The following ASTN2 variants were observed in gnomAD, a reference collection of about 807,000 sequenced individuals.
The protein encoded by ASTN2 is astrotactin 2.
A neutral mutation model predicts 139.8 loss-of-function variants in ASTN2; 54 were observed. That is an observed-to-expected ratio of 0.39 (90% CI 0.31 to 0.48). ASTN2 has a LOEUF of 0.48. Ranked by LOEUF, ASTN2 falls within the 20% of genes least tolerant of loss-of-function variation. The pLI, the probability that ASTN2 is intolerant of heterozygous loss-of-function variation, is 0.95. For synonymous variants in ASTN2, 756 were observed against 719.5 expected, an observed-to-expected ratio of 1.05 and a Z score of -0.81; for missense variants, 1,565 against 1,725.1, an observed-to-expected ratio of 0.91 and a Z score of 1.64.
chr9:117,111,880 T>G (rs1829259271), intron 4 of ASTN2, among the ~76,000 whole-genome samples: 1 of 152,060 alleles, frequency 6.6e-6, no homozygotes, highest in Non-Finnish European at 1.5e-5. Context: ...ATGACATAAT[T>G]ATTTATAAAA....
chr9:117,202,806 G>T (rs1831771332), intron 3 of ASTN2, among the ~76,000 whole-genome samples: 1 of 152,050 alleles, frequency 6.6e-6, no homozygotes, highest in Non-Finnish European at 1.5e-5. Context: ...TGATGATTAT[G>T]TGTCTTGGGG....
intron 3 of ASTN2, among the ~76,000 whole-genome samples, chr9:117,209,767 G>T (rs1180108604): frequency 6.6e-6 from 1 of 152,102 alleles, no homozygotes; most frequent in Non-Finnish European, 1.5e-5. Context: ...CTTTTCATCA[G>T]CACATGGGAC....
intron 1 of ASTN2, among the ~76,000 whole-genome samples, chr9:117,311,487 G>T (rs763859628): frequency 1.2e-4 from 18 of 152,036 alleles, no homozygotes; most frequent in African/African-American, 4.3e-4. Context: ...AAGTGAGAAG[G>T]GAGCATAGCC....
chr9:117,213,678 C>CA, intron 3 of ASTN2, among the ~76,000 whole-genome samples: 1 of 152,218 alleles, frequency 6.6e-6, no homozygotes, highest in East Asian at 1.9e-4. Flanking sequence ...TAACAGTTGG[C>CA]AAGAAGGAGA....
chr9:117,316,849 C>T (rs1050454195), intron 1 of ASTN2, among the ~76,000 whole-genome samples: 1 of 152,120 alleles, frequency 6.6e-6, no homozygotes, highest in East Asian at 1.9e-4. Flanking sequence ...GCCTGGGGAT[C>T]CTTTGGTCTG....
intron 16 of ASTN2, among the ~76,000 whole-genome samples, chr9:116,722,689 G>T (rs1270592027): frequency 1.3e-5 from 2 of 152,136 alleles, no homozygotes; most frequent in African/African-American, 2.4e-5. Flanking sequence ...AAGATCACAG[G>T]AAGGCCATCT....
rs1831267574 is a variant in ASTN2, at chr9:117,414,458, G to A, written c.442+39C>T. ...GTCCGGCATGACGCAGGGGCTCGGG[G>A]TTCCTTGGGATCTAGCGCGTGCCGG... On this transcript the variant is annotated intron_variant, in intron 1 of 22. Transcript: ENST00000313400. This position sits in a 1 kb window ranked among gnomAD's most constrained non-coding sequence, Gnocchi z 4.2. 6.2e-7 allele frequency: 1 copy of A among 1,602,030 alleles called. No individual in the cohort carries two copies. Among genetic ancestry groups the A allele is most frequent in the Non-Finnish European group, 8.5e-7 (1 of 1,174,670 alleles).
chr9:117,128,382 A>C (rs1352321297), intron 4 of ASTN2, among the ~76,000 whole-genome samples: 1 of 139,140 alleles, frequency 7.2e-6, no homozygotes, highest in Non-Finnish European at 1.5e-5. Context: ...AAAAAAAAAA[A>C]AAAAAAAAAA....
At chr9:117,016,524 T>C (rs113230891) in intron 6 of ASTN2, among the ~76,000 whole-genome samples, 4 of 147,970 alleles carry the variant, frequency 2.7e-5, no homozygotes, top group African/African-American at 1.0e-4. Flanking sequence ...TGAGATCTCA[T>C]CACTGCATAT....
intron 10 of ASTN2, among the ~76,000 whole-genome samples, chr9:116,884,227 C>T (rs1833529065): frequency 6.6e-6 from 1 of 152,074 alleles, no homozygotes. Context: ...ACTTATGCTG[C>T]CTAGCAGGCC....
chr9:117,272,446 G>A (rs1834089801), intron 2 of ASTN2, among the ~76,000 whole-genome samples: 1 of 152,224 alleles, frequency 6.6e-6, no homozygotes, highest in African/African-American at 2.4e-5. Flanking sequence ...TGGTCTTGGG[G>A]ATTAACACTA....
chr9:116,810,746 T>A (rs746329497), intron 12 of ASTN2, among the ~76,000 whole-genome samples: 1 of 152,218 alleles, frequency 6.6e-6, no homozygotes, highest in Non-Finnish European at 1.5e-5. Flanking sequence ...TTTCTTTCTC[T>A]GGATCAGTTT....
chr9:117,319,651 G>A (rs1006336384), intron 1 of ASTN2, among the ~76,000 whole-genome samples: 9 of 150,828 alleles, frequency 6.0e-5, no homozygotes, highest in African/African-American at 4.9e-5. Flanking sequence ...GGCCAGGCTG[G>A]TCTCAAACTC....
intron 19 of ASTN2, among the ~76,000 whole-genome samples, chr9:116,531,609 T>C (rs533942767): frequency 4.0e-5 from 6 of 148,566 alleles, no homozygotes; most frequent in Admixed American, 1.4e-4. Flanking sequence ...AGTGAGAACA[T>C]GTGGTGGTTG....
chr9:116,599,445 A>G (rs1215026883), intron 19 of ASTN2, among the ~76,000 whole-genome samples: 2 of 152,256 alleles, frequency 1.3e-5, no homozygotes, highest in Non-Finnish European at 2.9e-5. Context: ...ATTATTGGCT[A>G]TCATCTACAT....
intron 1 of ASTN2, among the ~76,000 whole-genome samples, chr9:117,356,801 C>G (rs7870073): frequency 3.9e-5 from 6 of 152,256 alleles, no homozygotes; most frequent in South Asian, 4.2e-4. Flanking sequence ...CAGTGGCTCA[C>G]GCCTGTAATC....
Position 116,485,309 on chromosome 9 carries a change from T to C in ASTN2, c.3497+2050A>G, listed in dbSNP as rs574610911. ...AGCTCACTCAGCATCACAGAGCTGA[T>C]AAAGGACAGGGTCAGGATTTGAATC... is the stretch of plus-strand genomic sequence containing the variant. On this transcript the variant is annotated intron_variant, in intron 20 of 22. Coordinates refer to ENST00000313400, the MANE Select transcript of ASTN2 (RefSeq NM_001365068.1). 7.2e-4 allele frequency among the ~76,000 whole-genome samples: 109 copies of C among 152,212 alleles called. 1 individual carries two copies. The highest frequency in any genetic ancestry group is 7.1e-3 in the Admixed American group (109 of 15,286).
intron 10 of ASTN2, among the ~76,000 whole-genome samples, chr9:116,918,714 T>C (rs1401651571): frequency 6.6e-6 from 1 of 152,348 alleles, no homozygotes; most frequent in South Asian, 2.1e-4. Flanking sequence ...TCAGAAATGA[T>C]GTTTACAAAG....
chr9:116,878,190 C>G (rs1267334861), intron 10 of ASTN2, among the ~76,000 whole-genome samples: 2 of 152,044 alleles, frequency 1.3e-5, no homozygotes, highest in African/African-American at 4.8e-5. Flanking sequence ...ATCATTTGAC[C>G]CCCTGTTACT....
Sources: allele counts gnomAD v4.1 joint callset (sites outside exome capture counted in the v4.1 genomes callset), GRCh38; gene constraint gnomAD v4.1.1; non-coding constraint Gnocchi (gnomAD v3.1); transcripts MANE v1.5; gene names NCBI Gene and HGNC (gene_info 2026-07-23, HGNC 2026-07-21).